LMOD3: variants seen among roughly 807,000 people sequenced by gnomAD.
LMOD3 encodes leiomodin 3.
In LMOD3, 31 loss-of-function variants were observed where a neutral mutation model predicts 41.8. The ratio of observed to expected loss-of-function variants is 0.74; its 90% CI spans 0.56 to 1.00. LMOD3 has a LOEUF of 1.00. LMOD3 is among the 50% of genes least tolerant of loss of function. LMOD3 has a pLI of 0.00. For missense variants in LMOD3, 755 were observed against 679.5 expected (o/e 1.11, Z -1.23); for synonymous variants, 292 against 241.9 (o/e 1.21, Z -1.92).
Position 69,119,525 on chromosome 3 carries a change from G to C in LMOD3, c.830C>G (p.Ala277Gly), listed in dbSNP as rs752855693. ...PKEMLLDFVN[A>G]MKKNKHIKTF... ...TTTGATGTGCTTGTTTTTCTTCATT[G>C]CATTGACAAAGTCCAGTAACATTTC... The change falls in exon 2 of 3, where the codon GCA becomes GGA. Residue 277 changes from alanine (A) to glycine (G), a missense_variant. By Grantham distance (60) the Ala-to-Gly change is moderately conservative (BLOSUM62 0). Coordinates refer to ENST00000420581, the MANE Select transcript of LMOD3 (RefSeq NM_198271.5). The C allele has an allele frequency of 6.2e-7, 1 of 1,613,746 alleles. No individual in the cohort carries two copies. The highest frequency in any genetic ancestry group is 8.5e-7 in the Non-Finnish European group (1 of 1,179,878).
At chr3:69,121,621 A>T (rs191777359) in intron 1 of LMOD3, among the ~76,000 whole-genome samples, 7 of 152,348 alleles carry the variant, frequency 4.6e-5, no homozygotes, top group Non-Finnish European at 1.0e-4. Context: ...ACTTGGTTTA[A>T]TTGCAGGTTG....
At position 69,106,162 on chromosome 3, in the gene LMOD3, T is replaced by C. The variant is rs558298472; in HGVS notation, c.*2933A>G. On this transcript the variant is annotated 3_prime_UTR_variant, in exon 3 of 3. Transcript: ENST00000420581. ...CAGTGAAGCAAACACTTCAGCTGTT[T>C]CAAATACTGTTTAGTAAAGCTTGAA... The C allele has an allele frequency of 3.9e-5, 6 of 152,354 alleles. No individual in the cohort carries two copies. In the East Asian group the frequency reaches 1.2e-3, roughly 29 times the overall value. 9.4% of individuals were successfully genotyped at this position (152,354 alleles called of 1,614,324 possible).
At chr3:69,110,648 G>A (rs868095943) in intron 2 of LMOD3, among the ~76,000 whole-genome samples, 4 of 147,012 alleles carry the variant, frequency 2.7e-5, no homozygotes, top group Admixed American at 6.7e-5. Flanking sequence ...TTCAAGACAA[G>A]CCTGGCCAAC....
In LMOD3 at chr3:69,108,870, T is replaced by C. The variant is rs1294930241; in HGVS notation, c.*225A>G. The C allele has an allele frequency of 2.5e-6, 1 of 399,858 alleles. No individual in the cohort carries two copies. Among genetic ancestry groups the C allele is most frequent in the African/African-American group, 2.1e-5 (1 of 48,458 alleles). The allele number at this position is 399,858 out of a possible 1,614,324, so 24.8% of individuals were successfully genotyped here. On this transcript the variant is annotated 3_prime_UTR_variant, in exon 3 of 3. Coordinates refer to ENST00000420581, the MANE Select transcript of LMOD3 (RefSeq NM_198271.5). ...ACTCAAATTGATTGCAAGTAGAAAATATTGCCTCTAAATATTATATTTTAT... is the reference window on the plus strand; with the variant it reads ...ACTCAAATTGATTGCAAGTAGAAAACATTGCCTCTAAATATTATATTTTAT...
In LMOD3 at chr3:69,119,715, A is replaced by T; in HGVS notation, c.640T>A (p.Ser214Thr). 1.2e-6 allele frequency: 2 copies of T among 1,613,810 alleles called. No individual in the cohort carries two copies. Among genetic ancestry groups the T allele is most frequent in the Admixed American group, 3.3e-5 (2 of 60,014 alleles). ...EAQEQSEKKI[S>T]KLDPKKLALD... is the part of the protein sequence containing the mutation. ...GCTAACTTCTTAGGATCTAATTTCG[A>T]TATTTTTTTCTCACTTTGTTCTTGG... The change falls in exon 2 of 3, where the codon TCG becomes ACG. Residue 214 changes from serine (S) to threonine (T), a missense_variant. Transcript: ENST00000420581.
Position 69,122,285 on chromosome 3 carries a change from T to A in LMOD3, c.102A>T (p.Glu34Asp). Residue 34 changes from glutamate to aspartate, a missense_variant, in exon 1 of 3, where the codon GAA becomes GAT. Transcript: ENST00000420581. ...CCATGACTTCCATTTCCGACTGCAG[T>A]TCTTTCAGTTCTTCAGCAGACAAGT... ...LANLSAEELK[E>D]LQSEMEVMAP... The A allele has an allele frequency of 6.2e-7, 1 of 1,613,522 alleles. No homozygotes were observed. The highest frequency in any genetic ancestry group is 8.5e-7 in the Non-Finnish European group (1 of 1,179,682).
At chr3:69,110,967 A>G (rs2092347689) in intron 2 of LMOD3, among the ~76,000 whole-genome samples, 1 of 151,224 alleles carries the variant, frequency 6.6e-6, no homozygotes, top group African/African-American at 2.4e-5. Flanking sequence ...CCTCATAGGA[A>G]AACCTTAAGG....
At chr3:69,120,581 A>C (rs900190165) in intron 1 of LMOD3, among the ~76,000 whole-genome samples, 1 of 151,582 alleles carries the variant, frequency 6.6e-6, no homozygotes, top group Non-Finnish European at 1.5e-5. Flanking sequence ...GGGAAATTAG[A>C]TACGTTTGAC....
At position 69,110,853 on chromosome 3, in the gene LMOD3, A is replaced by AT. The variant is rs1553686981; in HGVS notation, c.1657-1733_1657-1732insA. Among the ~76,000 whole-genome samples the AT allele has an allele frequency of 9.4e-3, 971 of 103,842 alleles. 6 individuals are homozygous for AT. The highest frequency in any genetic ancestry group is 0.015 in the South Asian group (39 of 2,672). The allele number at this position is 103,842 out of a possible 152,430, so 68.1% of individuals were successfully genotyped here. A position where few individuals can be genotyped will look rare whatever the true frequency, so the allele number is the denominator to read the frequency against. Reference sequence around the variant, plus strand: ...GACACCATCTCAAAAAAAAAAAAAAAATATATATATATATATATATATATT... The same window carrying AT: ...GACACCATCTCAAAAAAAAAAAAAAATATATATATATATATATATATATATT... On this transcript the variant is annotated intron_variant, in intron 2 of 2. Transcript: ENST00000420581.
chr3:69,117,820 C>T (rs999244466), intron 2 of LMOD3, among the ~76,000 whole-genome samples: 1 of 150,462 alleles, frequency 6.6e-6, no homozygotes, highest in Non-Finnish European at 1.5e-5. Context: ...AAACAACTGG[C>T]CCAATTTGGG....
At chr3:69,118,599 T>G in intron 2 of LMOD3, 100 bp downstream of exon 2, 1 of 1,363,162 alleles carries the variant, frequency 7.3e-7, no homozygotes, top group Non-Finnish European at 9.9e-7. Context: ...TTGGTCTCAA[T>G]TAGTGAGTAT....
At chr3:69,117,257 G>T (rs1430890563) in intron 2 of LMOD3, among the ~76,000 whole-genome samples, 1 of 152,228 alleles carries the variant, frequency 6.6e-6, no homozygotes, top group Non-Finnish European at 1.5e-5. Flanking sequence ...TGATTTAGAA[G>T]AATGGGCTAT....
intron 2 of LMOD3, 78 bp from the exon 3 acceptor site, chr3:69,109,199 T>G: frequency 1.5e-6 from 2 of 1,311,002 alleles, no homozygotes; most frequent in Admixed American, 2.0e-5. Flanking sequence ...TTTACAAAAT[T>G]TACATGCCTT....
At chr3:69,120,968 T>C (rs138071293) in intron 1 of LMOD3, among the ~76,000 whole-genome samples, 345 of 152,266 alleles carry the variant, frequency 2.3e-3, no homozygotes, top group African/African-American at 8.0e-3. Context: ...ACAGGTTCAT[T>C]TGAGCAAAAA....
Position 69,122,345 on chromosome 3 carries a change from G to C in LMOD3, c.42C>G (p.Leu14=). 1 of 1,611,532 alleles carries C rather than the reference G, an allele frequency of 6.2e-7. No homozygotes were observed. The highest frequency in any genetic ancestry group is 8.5e-7 in the Non-Finnish European group (1 of 1,178,270). Reference sequence around the variant, plus strand: ...TTTCATCTTCATTAATCTCCTCATCGAGAAGTTCTTCTTGATCTGAATTTC... The same window carrying C: ...TTTCATCTTCATTAATCTCCTCATCCAGAAGTTCTTCTTGATCTGAATTTC... ...HSRNSDQEEL[L]DEEINEDEIL... The change falls in exon 1 of 3, where the codon CTC becomes CTG. Residue 14 remains leucine (L), a synonymous_variant. Transcript: ENST00000420581.
intron 2 of LMOD3, among the ~76,000 whole-genome samples, chr3:69,115,453 G>A (rs138904596): frequency 6.6e-6 from 1 of 151,526 alleles, no homozygotes; most frequent in Admixed American, 6.6e-5. Context: ...CTGCACTCCA[G>A]CCTGGGTGAT....
intron 2 of LMOD3, among the ~76,000 whole-genome samples, chr3:69,110,358 T>C (rs1201037362): frequency 6.6e-6 from 1 of 151,804 alleles, no homozygotes; most frequent in Non-Finnish European, 1.5e-5. Flanking sequence ...GACTCCCAAG[T>C]AGCTGGGACT....
At position 69,120,080 on chromosome 3, in the gene LMOD3, G is replaced by C. The variant is rs747673620; in HGVS notation, c.295-20C>G. The C allele has an allele frequency of 9.4e-5, 147 of 1,569,542 alleles. No homozygotes were observed. Among genetic ancestry groups the C allele is most frequent in the Non-Finnish European group, 1.3e-4 (147 of 1,166,692 alleles). Reference sequence around the variant, plus strand: ...CTTTTCCTACAAGAGAGGTTTATGAGGGTTAGAATACATAGCAGAGAAGAA... The same window carrying C: ...CTTTTCCTACAAGAGAGGTTTATGACGGTTAGAATACATAGCAGAGAAGAA... On this transcript the variant is annotated intron_variant, in intron 1 of 2. Transcript: ENST00000420581.
At position 69,119,237 on chromosome 3, in the gene LMOD3, A is replaced by G. The variant is rs1292296930; in HGVS notation, c.1118T>C (p.Met373Thr). The G allele has an allele frequency of 1.9e-6, 3 of 1,613,836 alleles. No homozygotes were observed. Among genetic ancestry groups the G allele is most frequent in the Non-Finnish European group, 2.5e-6 (3 of 1,179,890 alleles). The change falls in exon 2 of 3, where the codon ATG becomes ACG. Residue 373 changes from methionine (M) to threonine (T), a missense_variant. Coordinates refer to ENST00000420581, the MANE Select transcript of LMOD3 (RefSeq NM_198271.5). The stretch of plus-strand genomic sequence containing the variant: ...ACCCGGAAGCTCAAAATGGTAGCCC[A>G]TCTTCAGGAGAGTGTTGTTTGCCTT... ...LLKANNTLLK[M>T]GYHFELPGPR... is the part of the protein sequence containing the mutation.
Sources: gnomAD v4.1 joint callset for allele counts (sites outside exome capture counted in the v4.1 genomes callset) on GRCh38, gnomAD v4.1.1 for gene constraint, MANE v1.5 for transcripts, NCBI Gene and HGNC (gene_info 2026-07-23, HGNC 2026-07-21) for gene names.